The following ZFP1 variants were observed in gnomAD, a reference collection of about 807,000 sequenced individuals.
ZFP1 encodes zinc finger protein 1 homolog.
Under a neutral mutation model 38.5 loss-of-function variants are expected in ZFP1, and 32 were observed. The observed-to-expected ratio is 0.83, with a 90% CI of 0.63 to 1.12. The LOEUF is 1.12. Ranked by LOEUF, ZFP1 falls within the 50% of genes most tolerant of loss-of-function variation. The pLI is 0.00. For synonymous variants in ZFP1, 245 were observed against 168.8 expected (o/e 1.45, Z -3.50); for missense variants, 616 against 480.8 (o/e 1.28, Z -2.63).
intron 1 of ZFP1, among the ~76,000 whole-genome samples, chr16:75,150,242 T>C (rs1448957794): frequency 1.4e-5 from 2 of 148,056 alleles, no homozygotes; most frequent in Non-Finnish European, 3.0e-5. Context: ...AGAGTCTCGC[T>C]CTGTTGCCCA....
At chr16:75,158,328 C>T (rs894475595) in intron 2 of ZFP1, among the ~76,000 whole-genome samples, 9 of 150,998 alleles carry the variant, frequency 6.0e-5, no homozygotes, top group Non-Finnish European at 1.3e-4. Context: ...CAGCCTATTT[C>T]TGTCTATTTT....
the ZFP1 span, among the ~76,000 whole-genome samples, chr16:75,135,661 T>C: frequency 6.6e-6 from 1 of 152,150 alleles, no homozygotes; most frequent in Non-Finnish European, 1.5e-5. Context: ...GGATAAATAA[T>C]GAAGAACAAA....
chr16:75,134,522 C>A, the ZFP1 span, among the ~76,000 whole-genome samples: 1 of 151,620 alleles, frequency 6.6e-6, no homozygotes, highest in Non-Finnish European at 1.5e-5. Context: ...TTTGGGAGGC[C>A]GAGGCGGGTG....
Position 75,170,367 on chromosome 16 carries a change from T to C in ZFP1, c.*33T>C, listed in dbSNP as rs768654413. The C allele has an allele frequency of 2.7e-5, 41 of 1,527,534 alleles. No individual in the cohort carries two copies. Among genetic ancestry groups the C allele is most frequent in the Non-Finnish European group, 5.3e-6 (6 of 1,138,852 alleles). The allele number at this position is 1,527,534 out of a possible 1,614,324, so 94.6% of individuals were successfully genotyped here. A position where few individuals can be genotyped will look rare whatever the true frequency, so the allele number is the denominator to read the frequency against. ...GCCAGGTCTTACTGTGGAAAACTCCTGCCAGAACTCTTCAAGCGGGTGAAA... is the reference window on the plus strand; with the variant it reads ...GCCAGGTCTTACTGTGGAAAACTCCCGCCAGAACTCTTCAAGCGGGTGAAA... On this transcript the variant is annotated 3_prime_UTR_variant, in exon 4 of 4. Coordinates refer to ENST00000570010, the MANE Select transcript of ZFP1 (RefSeq NM_153688.4).
chr16:75,153,068 A>C, intron 2 of ZFP1, 102 bp downstream of exon 2: 1 of 1,461,310 alleles, frequency 6.8e-7, no homozygotes, highest in East Asian at 2.4e-5. Context: ...GACACAAAGG[A>C]AACATAGCAA....
At chr16:75,128,122 G>T in the ZFP1 span, among the ~76,000 whole-genome samples, 1 of 152,164 alleles carries the variant, frequency 6.6e-6, no homozygotes, top group African/African-American at 2.4e-5. Flanking sequence ...GCCAATAAAA[G>T]CCCCTTGAAA....
chr16:75,150,462 AC>A (rs1305488425), intron 1 of ZFP1, among the ~76,000 whole-genome samples: 2 of 151,024 alleles, frequency 1.3e-5, no homozygotes, highest in African/African-American at 4.9e-5. Context: ...CTGGTGATCC[AC>A]CTGCCTCGGC....
At chr16:75,167,568 T>A (rs2038164894) in intron 3 of ZFP1, among the ~76,000 whole-genome samples, 1 of 152,194 alleles carries the variant, frequency 6.6e-6, no homozygotes. Flanking sequence ...TGCATAGTGC[T>A]GTGATGAACC....
chr16:75,128,213 C>T, the ZFP1 span, among the ~76,000 whole-genome samples: 1 of 152,120 alleles, frequency 6.6e-6, no homozygotes, highest in Non-Finnish European at 1.5e-5. Flanking sequence ...ACTGTGGGGC[C>T]CAGGAGCCCC....
intron 2 of ZFP1, among the ~76,000 whole-genome samples, chr16:75,161,659 C>G (rs35533093): frequency 2.1e-5 from 3 of 144,200 alleles, no homozygotes; most frequent in African/African-American, 7.8e-5. Context: ...AGCTGGTGTT[C>G]TGAAATTTCC....
intron 2 of ZFP1, among the ~76,000 whole-genome samples, chr16:75,166,299 C>G (rs375037510): frequency 1.1e-4 from 17 of 152,300 alleles, no homozygotes; most frequent in African/African-American, 4.1e-4. Flanking sequence ...GTGGTGCAGT[C>G]TTGGCTCACT....
the ZFP1 span, among the ~76,000 whole-genome samples, chr16:75,127,127 A>C: frequency 6.6e-6 from 1 of 152,228 alleles, no homozygotes; most frequent in Non-Finnish European, 1.5e-5. Context: ...GCTGCTCTAA[A>C]ACTTTTTGTC....
At chr16:75,162,425 G>T (rs181849812) in intron 2 of ZFP1, among the ~76,000 whole-genome samples, 1 of 152,202 alleles carries the variant, frequency 6.6e-6, no homozygotes, top group East Asian at 1.9e-4. Context: ...TCCAGCCCAA[G>T]TATAGGTCAA....
At chr16:75,160,130 G>C (rs2037690539) in intron 2 of ZFP1, among the ~76,000 whole-genome samples, 1 of 152,198 alleles carries the variant, frequency 6.6e-6, no homozygotes, top group Admixed American at 6.5e-5. Flanking sequence ...TCTTTATGCA[G>C]AATGTTAAGG....
the ZFP1 span, among the ~76,000 whole-genome samples, chr16:75,119,992 C>G: frequency 6.6e-6 from 1 of 152,206 alleles, no homozygotes; most frequent in African/African-American, 2.4e-5. Flanking sequence ...CCAGGCCAAA[C>G]TGAAAGAGCA....
the ZFP1 span, among the ~76,000 whole-genome samples, chr16:75,122,784 A>G: frequency 3.5e-4 from 53 of 152,328 alleles, no homozygotes; most frequent in African/African-American, 1.3e-3. Flanking sequence ...GTTCCTCCCA[A>G]AGTTAGTTTG....
At chr16:75,164,326 A>G (rs892289977) in intron 2 of ZFP1, among the ~76,000 whole-genome samples, 2 of 152,140 alleles carry the variant, frequency 1.3e-5, no homozygotes, top group African/African-American at 4.8e-5. Flanking sequence ...TCCACCCTTT[A>G]AAGGTTTATA....
At chr16:75,144,655 CATT>C (rs527940925), upstream of ZFP1, among the ~76,000 whole-genome samples, 29 of 152,292 alleles carry the variant, frequency 1.9e-4, no homozygotes, top group South Asian at 6.0e-3. Flanking sequence ...AGAACTTTCT[CATT>C]ATCCCAAACA....
At chr16:75,169,179 T>G (rs2038273873) in intron 3 of ZFP1, 74 bp from the exon 4 acceptor site, 2 of 1,508,362 alleles carry the variant, frequency 1.3e-6, no homozygotes, top group African/African-American at 1.4e-5. Context: ...AGAACACGTG[T>G]GAAGACTTCC....
Sources: gnomAD v4.1 joint callset for allele counts (sites outside exome capture counted in the v4.1 genomes callset) on GRCh38, gnomAD v4.1.1 for gene constraint, MANE v1.5 for transcripts, NCBI Gene and HGNC (gene_info 2026-07-23, HGNC 2026-07-21) for gene names.